PIAS4: variants seen among roughly 807,000 people sequenced by gnomAD.
PIAS4 encodes the protein E3 SUMO-protein ligase PIAS4.
Under a neutral mutation model 58.0 loss-of-function variants are expected in PIAS4, and 7 were observed. That is an observed-to-expected ratio of 0.12 (90% CI 0.07 to 0.23). The LOEUF is 0.23. Among genes scored for constraint, PIAS4 ranks in the 10% least tolerant of loss-of-function variants. The pLI is 1.00. For synonymous variants in PIAS4, 364 were observed against 312.4 expected (o/e 1.17, Z -1.74); for missense variants, 550 against 709.5 (o/e 0.78, Z 2.55).
chr19:4,024,672 A>G (rs1316635952), intron 3 of PIAS4, among the ~76,000 whole-genome samples: 1 of 152,128 alleles, frequency 6.6e-6, no homozygotes, highest in African/African-American at 2.4e-5. Flanking sequence ...GGTGAATCCC[A>G]GGAGCTGGGG....
chr19:4,033,266 T>A, intron 8 of PIAS4, 93 bp downstream of exon 8: 1 of 1,414,672 alleles, frequency 7.1e-7, no homozygotes, highest in Non-Finnish European at 9.8e-7. Flanking sequence ...GGCTGGGCCG[T>A]GAGCCTGCGG....
At chr19:4,019,926 T>TC (rs1439975417) in intron 2 of PIAS4, among the ~76,000 whole-genome samples, 1 of 151,304 alleles carries the variant, frequency 6.6e-6, no homozygotes, top group Non-Finnish European at 1.5e-5. Flanking sequence ...TTTTTTCTTT[T>TC]TTTTTTTTTT....
chr19:4,035,638 C>G lies in PIAS4; in HGVS notation c.1143-1736C>G, dbSNP rs144571732. On this transcript the variant is annotated intron_variant, in intron 9 of 10. Transcript: ENST00000262971. ...AGCCTCTGCAGGGGCTTTGAGCAGCCAGCACCTTCACTCCAGCCTGTTTCC... is the reference window on the plus strand; with the variant it reads ...AGCCTCTGCAGGGGCTTTGAGCAGCGAGCACCTTCACTCCAGCCTGTTTCC... Among the ~76,000 whole-genome samples, 9 of 152,188 alleles carry G rather than the reference C, an allele frequency of 5.9e-5. No homozygotes were observed. The East Asian group carries it at 1.7e-3, about 29-fold the overall frequency.
chr19:4,015,834 C>G (rs2040047521), intron 2 of PIAS4, among the ~76,000 whole-genome samples: 1 of 152,216 alleles, frequency 6.6e-6, no homozygotes, highest in Non-Finnish European at 1.5e-5. Flanking sequence ...CCGGCCGGCT[C>G]CAGGATGGAG....
At chr19:4,031,258 G>A (rs1047498931) in intron 7 of PIAS4, among the ~76,000 whole-genome samples, 7 of 152,114 alleles carry the variant, frequency 4.6e-5, no homozygotes, top group East Asian at 3.9e-4. Context: ...AGGGGCCTGC[G>A]AGCCCCATCG....
In PIAS4 at chr19:4,031,345, G is replaced by A. The variant is rs2040221011; in HGVS notation, c.908-1755G>A. Among the ~76,000 whole-genome samples the A allele has an allele frequency of 3.9e-5, 6 of 152,326 alleles. 1 individual carries two copies. In the South Asian group the frequency reaches 1.2e-3, roughly 32 times the overall value. ...CAGCACCCCCTCTGCAGAGCAGGAC[G>A]TGGAGGGTGAGGGGTCCCTCCACGG... On this transcript the variant is annotated intron_variant, in intron 7 of 10. Coordinates refer to ENST00000262971, the MANE Select transcript of PIAS4 (RefSeq NM_015897.4).
In PIAS4 at chr19:4,013,634, G is replaced by C. The variant is rs1289865506; in HGVS notation, c.454+285G>C. Reference sequence around the variant, plus strand: ...GCTGTGTTGCGGGGCATTGGGGCTTGGGGGCTCTCATGAGGCTCAGTCAGG... The same window carrying C: ...GCTGTGTTGCGGGGCATTGGGGCTTCGGGGCTCTCATGAGGCTCAGTCAGG... On this transcript the variant is annotated intron_variant, in intron 2 of 10. Transcript: ENST00000262971. The surrounding 1 kb of genome is among the most constrained non-coding windows in gnomAD (Gnocchi z 5.1). 6.7e-6 allele frequency among the ~76,000 whole-genome samples: 1 copy of C among 149,754 alleles called. No individual in the cohort carries two copies. Among genetic ancestry groups the C allele is most frequent in the Non-Finnish European group, 1.5e-5 (1 of 66,820 alleles).
chr19:4,013,455 C>T lies in PIAS4; in HGVS notation c.454+106C>T, dbSNP rs1568212449. 2 of 1,060,402 alleles carry T rather than the reference C, an allele frequency of 1.9e-6. No individual in the cohort carries two copies. Among genetic ancestry groups the T allele is most frequent in the East Asian group, 2.5e-5 (1 of 40,142 alleles). 65.7% of individuals were successfully genotyped at this position (1,060,402 alleles called of 1,614,324 possible). On this transcript the variant is annotated intron_variant, in intron 2 of 10. Transcript: ENST00000262971. This position sits in a 1 kb window ranked among gnomAD's most constrained non-coding sequence, Gnocchi z 5.1. ...ACTTCGAGTGATGTTCTCTGTGGCG[C>T]AGCCAGGGCGGGGAGCCACAGTGGC...
chr19:4,021,179 G>C (rs1446410116), intron 2 of PIAS4, among the ~76,000 whole-genome samples: 2 of 152,050 alleles, frequency 1.3e-5, no homozygotes, highest in Non-Finnish European at 2.9e-5. Flanking sequence ...TTGATACAGA[G>C]CCTCACTCTG....
At chr19:4,034,025 G>A (rs962959725) in intron 9 of PIAS4, among the ~76,000 whole-genome samples, 1 of 152,210 alleles carries the variant, frequency 6.6e-6, no homozygotes, top group African/African-American at 2.4e-5. Flanking sequence ...TCCCTTCCTA[G>A]GTGGCACAGC....
chr19:4,035,069 G>A (rs1193123087), intron 9 of PIAS4, among the ~76,000 whole-genome samples: 1 of 152,166 alleles, frequency 6.6e-6, no homozygotes, highest in Non-Finnish European at 1.5e-5. Context: ...AAGCAGTTTT[G>A]CAAGCAGGGA....
At chr19:4,025,889 C>G (rs1599225242) in intron 3 of PIAS4, among the ~76,000 whole-genome samples, 1 of 151,788 alleles carries the variant, frequency 6.6e-6, no homozygotes, top group South Asian at 2.1e-4. Context: ...TTGGCTAACA[C>G]AGTGAAACCC....
At chr19:4,012,839 C>T in intron 1 of PIAS4, 84 bp from the exon 2 acceptor site, 2 of 1,424,086 alleles carry the variant, frequency 1.4e-6, no homozygotes, top group Non-Finnish European at 1.9e-6. Context: ...TCTTTCACGG[C>T]CCCCACATCG....
chr19:4,013,159 C>T lies in PIAS4; in HGVS notation c.264C>T (p.Ser88=), dbSNP rs1433439293. ...CCCTGGACCCCCTGACCATGCACTCCACCTACGACCGGGCCGGCGCTGTGC... is the reference window on the plus strand; with the variant it reads ...CCCTGGACCCCCTGACCATGCACTCTACCTACGACCGGGCCGGCGCTGTGC... The part of the protein sequence containing the change: ...HRPLDPLTMH[S]TYDRAGAVPR... The change falls in exon 2 of 11, where the codon TCC becomes TCT. Residue 88 remains serine (S), a synonymous_variant. Coordinates refer to ENST00000262971, the MANE Select transcript of PIAS4 (RefSeq NM_015897.4). The surrounding 1 kb of genome is among the most constrained non-coding windows in gnomAD (Gnocchi z 5.1). The T allele has an allele frequency of 6.2e-7, 1 of 1,613,336 alleles. No individual in the cohort carries two copies. The highest frequency in any genetic ancestry group is 8.5e-7 in the Non-Finnish European group (1 of 1,180,030).
At chr19:4,033,073 A>G in intron 7 of PIAS4, 27 bp from the exon 8 acceptor site, 1 of 1,598,700 alleles carries the variant, frequency 6.3e-7, no homozygotes. Flanking sequence ...CACCCTCCTG[A>G]CGGTGTCTTC....
chr19:4,020,220 G>C (rs1180260885), intron 2 of PIAS4, among the ~76,000 whole-genome samples: 1 of 152,114 alleles, frequency 6.6e-6, no homozygotes, highest in Non-Finnish European at 1.5e-5. Flanking sequence ...CCGGCTTCTC[G>C]TGGGTTTTAA....
chr19:4,014,850 C>G (rs1400872754), intron 2 of PIAS4, among the ~76,000 whole-genome samples: 2 of 152,202 alleles, frequency 1.3e-5, no homozygotes, highest in Non-Finnish European at 2.9e-5. Context: ...GCTGCTTTTC[C>G]CCTCCCATCT....
In PIAS4 at chr19:4,033,452, G is replaced by A. The variant is rs1288380756; in HGVS notation, c.1014G>A (p.Arg338=). 6.4e-7 allele frequency: 1 copy of A among 1,563,810 alleles called. No individual in the cohort carries two copies. The highest frequency in any genetic ancestry group is 1.9e-5 in the Admixed American group (1 of 52,228). ...AGATGCGGCTCTCCGTGCCCTGCCGGGCAGAGACCTGTGCCCACCTGCAGT... is the reference window on the plus strand; with the variant it reads ...AGATGCGGCTCTCCGTGCCCTGCCGAGCAGAGACCTGTGCCCACCTGCAGT... The part of the protein sequence containing the change: ...LVKMRLSVPC[R]AETCAHLQCF... Residue 338 remains arginine, a synonymous_variant, in exon 9 of 11, where the codon CGG becomes CGA. Transcript: ENST00000262971.
chr19:4,031,180 G>A (rs1405251424), intron 7 of PIAS4, among the ~76,000 whole-genome samples: 1 of 152,176 alleles, frequency 6.6e-6, no homozygotes, highest in Non-Finnish European at 1.5e-5. Context: ...TCTGGTCCCT[G>A]TTCCTGACCA....
Sources: allele counts gnomAD v4.1 joint callset (sites outside exome capture counted in the v4.1 genomes callset), GRCh38; gene constraint gnomAD v4.1.1; non-coding constraint Gnocchi (gnomAD v3.1); transcripts MANE v1.5; gene names NCBI Gene and HGNC (gene_info 2026-07-23, HGNC 2026-07-21).